Variants in KCNK13 observed in about 807,000 individuals in gnomAD.
KCNK13 encodes potassium channel subfamily K member 13.
In KCNK13, 12 loss-of-function variants were observed where a neutral mutation model predicts 23.4. The ratio of observed to expected loss-of-function variants is 0.51; its 90% confidence interval spans 0.33 to 0.83. The LOEUF is 0.83. Ranked by LOEUF, KCNK13 falls within the 40% of genes least tolerant of loss-of-function variation. KCNK13 has a pLI of 0.02. For missense variants in KCNK13, 463 were observed against 556.3 expected, an observed-to-expected ratio of 0.83 and a Z score of 1.69; for synonymous variants, 231 against 229.5, an observed-to-expected ratio of 1.01 and a Z score of -0.06.
chr14:90,161,299 G>A (rs1393588306), intron 1 of KCNK13, among the ~76,000 whole-genome samples: 2 of 152,186 alleles, frequency 1.3e-5, no homozygotes, highest in Non-Finnish European at 2.9e-5. Context: ...GCAGTGGGGC[G>A]AGGGAACAGG....
intron 1 of KCNK13, among the ~76,000 whole-genome samples, chr14:90,145,917 A>G (rs75443661): frequency 0.065 from 9,858 of 152,078 alleles, 412 homozygotes; most frequent in South Asian, 0.21. Flanking sequence ...GTGCCGAGGT[A>G]GGAGGATCAC....
At chr14:90,081,071 T>C (rs1289044836) in intron 1 of KCNK13, among the ~76,000 whole-genome samples, 1 of 152,240 alleles carries the variant, frequency 6.6e-6, no homozygotes. Flanking sequence ...TCCGCAAGCC[T>C]TTCAGGCACT....
intron 1 of KCNK13, among the ~76,000 whole-genome samples, chr14:90,112,273 T>TA (rs747576559): frequency 1.3e-5 from 2 of 152,216 alleles, no homozygotes; most frequent in African/African-American, 4.8e-5. Context: ...GGGAAGCTTT[T>TA]AAAAAGTTTT....
intron 1 of KCNK13, among the ~76,000 whole-genome samples, chr14:90,169,983 A>C (rs993504924): frequency 6.6e-6 from 1 of 152,156 alleles, no homozygotes; most frequent in Non-Finnish European, 1.5e-5. Flanking sequence ...TGTTTCCACA[A>C]ACTTTTTTGT....
chr14:90,145,933 C>A (rs1437282037), intron 1 of KCNK13, among the ~76,000 whole-genome samples: 1 of 152,014 alleles, frequency 6.6e-6, no homozygotes, highest in Non-Finnish European at 1.5e-5. Context: ...ATCACTTGAG[C>A]TCAGAAGGCC....
rs1890516179 is a variant in KCNK13 at position 90,184,017 on chromosome 14, T to C, written c.335-94T>C. 1 of 1,108,612 alleles carries C rather than the reference T, an allele frequency of 9.0e-7. No individual in the cohort carries two copies. Among genetic ancestry groups the C allele is most frequent in the South Asian group, 1.5e-5 (1 of 65,816 alleles). 68.7% of individuals were successfully genotyped at this position (1,108,612 alleles called of 1,614,324 possible). A position where few individuals can be genotyped will look rare whatever the true frequency, so the allele number is the denominator to read the frequency against. ...AAGGCTGAGTGATTTTATGAAACTC[T>C]CTTTAGGTCCTTTGCCAGCCATCAA... On this transcript the variant is annotated intron_variant, in intron 1 of 1. Coordinates refer to ENST00000282146, the MANE Select transcript of KCNK13 (RefSeq NM_022054.4). The surrounding 1 kb of genome is among the most constrained non-coding windows in gnomAD (Gnocchi z 5.6).
At chr14:90,112,183 C>T (rs1400762774) in intron 1 of KCNK13, among the ~76,000 whole-genome samples, 1 of 152,212 alleles carries the variant, frequency 6.6e-6, no homozygotes, top group Admixed American at 6.5e-5. Flanking sequence ...CACCGTCCTG[C>T]GTATCTCTAG....
intron 1 of KCNK13, among the ~76,000 whole-genome samples, chr14:90,078,294 C>A (rs1294759072): frequency 6.6e-6 from 1 of 151,894 alleles, no homozygotes; most frequent in Non-Finnish European, 1.5e-5. Flanking sequence ...GTGGCGCACA[C>A]CTGTAATCCC....
At chr14:90,178,763 G>T (rs548626978) in intron 1 of KCNK13, among the ~76,000 whole-genome samples, 1 of 152,138 alleles carries the variant, frequency 6.6e-6, no homozygotes, top group African/African-American at 2.4e-5. Context: ...TTATGTCCTC[G>T]TGTAGCATTT....
chr14:90,153,812 TG>T (rs1201326185), intron 1 of KCNK13, among the ~76,000 whole-genome samples: 2 of 152,238 alleles, frequency 1.3e-5, no homozygotes, highest in Non-Finnish European at 2.9e-5. Context: ...TCTTCAGGCA[TG>T]GCAGCCACAG....
chr14:90,084,296 A>C (rs2140396814), intron 1 of KCNK13, among the ~76,000 whole-genome samples: 1 of 152,276 alleles, frequency 6.6e-6, no homozygotes, highest in Non-Finnish European at 1.5e-5. Flanking sequence ...CTTTCCATTT[A>C]TTTTGATCCT....
At chr14:90,115,410 TCTC>T (rs1378759821) in intron 1 of KCNK13, among the ~76,000 whole-genome samples, 1 of 151,956 alleles carries the variant, frequency 6.6e-6, no homozygotes, top group Non-Finnish European at 1.5e-5. Flanking sequence ...CCAAGAAAAA[TCTC>T]CTGTGAAACT....
chr14:90,168,627 C>T (rs1890331061), intron 1 of KCNK13, among the ~76,000 whole-genome samples: 1 of 152,184 alleles, frequency 6.6e-6, no homozygotes, highest in South Asian at 2.1e-4. Context: ...GTTTTCTGGT[C>T]CTACTCAACC....
chr14:90,072,272 G>A (rs1318687046), intron 1 of KCNK13, among the ~76,000 whole-genome samples: 1 of 152,298 alleles, frequency 6.6e-6, no homozygotes, highest in South Asian at 2.1e-4. Context: ...CAGCTCTCCT[G>A]TGTCTCTCAA....
rs1221599881 is a variant in KCNK13 at position 90,102,809 on chromosome 14, AT to A, written c.334+40277del. 3.3e-5 allele frequency among the ~76,000 whole-genome samples: 5 copies of A among 151,956 alleles called. 1 individual carries two copies. The highest frequency in any genetic ancestry group is 7.3e-5 in the African/African-American group (3 of 41,368). On this transcript the variant is annotated intron_variant, in intron 1 of 1. Transcript: ENST00000282146. Reference sequence around the variant, plus strand: ...ATTTTAGTTCTGTTAACATTCTGGGATTTTTTTCCTCCAACTTTTATTTTAG... The same window carrying A: ...ATTTTAGTTCTGTTAACATTCTGGGATTTTTTCCTCCAACTTTTATTTTAG...
chr14:90,092,880 C>G (rs1348184082), intron 1 of KCNK13, among the ~76,000 whole-genome samples: 2 of 132,872 alleles, frequency 1.5e-5, no homozygotes, highest in Non-Finnish European at 3.1e-5. Flanking sequence ...CCACTGCACT[C>G]TAGCCTGGAT....
At chr14:90,158,203 C>T (rs987020972) in intron 1 of KCNK13, among the ~76,000 whole-genome samples, 1 of 152,190 alleles carries the variant, frequency 6.6e-6, no homozygotes, top group Non-Finnish European at 1.5e-5. Flanking sequence ...CCAGGGCCTC[C>T]TGTGAGAAGC....
At chr14:90,100,121 T>C (rs1204992181) in intron 1 of KCNK13, among the ~76,000 whole-genome samples, 6 of 152,236 alleles carry the variant, frequency 3.9e-5, no homozygotes, top group South Asian at 2.1e-4. Context: ...ATAAAGTTTT[T>C]TGGAGTCGAT....
At chr14:90,153,041 T>C (rs756404787) in intron 1 of KCNK13, among the ~76,000 whole-genome samples, 7 of 152,158 alleles carry the variant, frequency 4.6e-5, no homozygotes, top group Non-Finnish European at 8.8e-5. Flanking sequence ...CACCATGCTC[T>C]TCCTATGCAC....
Sources: gnomAD v4.1 joint callset for allele counts (sites outside exome capture counted in the v4.1 genomes callset) on GRCh38, gnomAD v4.1.1 for gene constraint, Gnocchi (gnomAD v3.1) non-coding constraint, MANE v1.5 for transcripts, NCBI Gene and HGNC (gene_info 2026-07-23, HGNC 2026-07-21) for gene names.